ARHGAP22: variants seen among roughly 807,000 people sequenced by gnomAD.
ARHGAP22 encodes the protein rho GTPase-activating protein 22.
In ARHGAP22, 48 loss-of-function variants were observed where a neutral mutation model predicts 59.1. The observed-to-expected ratio is 0.81, with a 90% CI of 0.64 to 1.03. The LOEUF (loss-of-function observed/expected upper bound fraction) is 1.03, where lower values mean the gene tolerates loss of function less well. Among genes scored for constraint, ARHGAP22 ranks in the 50% least tolerant of loss-of-function variants. The pLI, the probability that ARHGAP22 is intolerant of heterozygous loss-of-function variation, is 0.00. For synonymous variants in ARHGAP22, 445 were observed against 416.4 expected, an observed-to-expected ratio of 1.07 and a Z score of -0.84; for missense variants, 1,015 against 958.7, an observed-to-expected ratio of 1.06 and a Z score of -0.78.
At chr10:48,527,219 G>C (rs1257368414) in intron 3 of ARHGAP22, among the ~76,000 whole-genome samples, 7 of 152,096 alleles carry the variant, frequency 4.6e-5, no homozygotes, top group African/African-American at 1.2e-4. Flanking sequence ...ATGGGCAGAT[G>C]GATGGGTAAA....
chr10:48,580,933 T>TAA (rs3076348), intron 2 of ARHGAP22, among the ~76,000 whole-genome samples: 50,229 of 147,378 alleles, frequency 0.34, 9,360 homozygotes, highest in East Asian at 0.72. Flanking sequence ...CAATCTAAAG[T>TAA]AAAAAAAAAA....
At chr10:48,521,198 G>A (rs748327893) in intron 3 of ARHGAP22, among the ~76,000 whole-genome samples, 1 of 152,140 alleles carries the variant, frequency 6.6e-6, no homozygotes, top group African/African-American at 2.4e-5. Flanking sequence ...AACCTGTCTT[G>A]CATATGATAT....
chr10:48,437,445 A>T, the ARHGAP22 span: 1 of 152,108 alleles, frequency 6.6e-6, no homozygotes, highest in Non-Finnish European at 1.5e-5. Flanking sequence ...TGATTTTTCA[A>T]TTTTATATAC....
intron 3 of ARHGAP22, among the ~76,000 whole-genome samples, chr10:48,496,889 G>A (rs527726519): frequency 1.3e-5 from 2 of 152,252 alleles, no homozygotes; most frequent in South Asian, 4.1e-4. Flanking sequence ...TGCCCTAACT[G>A]CCACTGGGCC....
intron 5 of ARHGAP22, among the ~76,000 whole-genome samples, chr10:48,456,275 G>A (rs2046495631): frequency 6.6e-6 from 1 of 152,184 alleles, no homozygotes; most frequent in Non-Finnish European, 1.5e-5. Context: ...GGCTCACTGA[G>A]ATAAATACCT....
chr10:48,630,375 C>T (rs1277151895), intron 1 of ARHGAP22, among the ~76,000 whole-genome samples: 1 of 152,200 alleles, frequency 6.6e-6, no homozygotes, highest in Admixed American at 6.5e-5. Flanking sequence ...CAGGAATGAG[C>T]CACCACGCCC....
intron 3 of ARHGAP22, among the ~76,000 whole-genome samples, chr10:48,548,346 C>T (rs551317595): frequency 2.3e-4 from 35 of 152,174 alleles, no homozygotes; most frequent in Non-Finnish European, 2.8e-4. Flanking sequence ...TCCACTCCCC[C>T]GGCCCCACCC....
chr10:48,644,478 T>C (rs1440409739), intron 1 of ARHGAP22, among the ~76,000 whole-genome samples: 1 of 152,204 alleles, frequency 6.6e-6, no homozygotes, highest in Non-Finnish European at 1.5e-5. Flanking sequence ...CTGCAGAATA[T>C]ACATTATTTT....
In ARHGAP22 at chr10:48,446,383, C is replaced by T; in HGVS notation, c.*8G>A. ...GACGTGGTACAGAAGTGAGCTCTGC[C>T]ATTCCTTTTACTTTGGGGCCCTGGC... On this transcript the variant is annotated 3_prime_UTR_variant, in exon 10 of 10. Transcript: ENST00000249601. 6.2e-7 allele frequency: 1 copy of T among 1,613,968 alleles called. No homozygotes were observed. Among genetic ancestry groups the T allele is most frequent in the Non-Finnish European group, 8.5e-7 (1 of 1,179,892 alleles).
intron 1 of ARHGAP22, among the ~76,000 whole-genome samples, chr10:48,610,110 C>T (rs536994587): frequency 2.0e-5 from 3 of 152,308 alleles, no homozygotes; most frequent in East Asian, 1.9e-4. Context: ...AGTCTGTCTC[C>T]GCCCTTTGGC....
At chr10:48,591,878 A>G (rs2135755155) in intron 1 of ARHGAP22, among the ~76,000 whole-genome samples, 1 of 152,220 alleles carries the variant, frequency 6.6e-6, no homozygotes, top group South Asian at 2.1e-4. Flanking sequence ...TGTCTAAAAA[A>G]AACCCCAAAA....
Position 48,563,480 on chromosome 10 carries a change from G to A in ARHGAP22, c.235-7930C>T, listed in dbSNP as rs184592250. On this transcript the variant is annotated intron_variant, in intron 2 of 9. Transcript: ENST00000249601. ...GCTGGGATTACAGGCGTGAGCCACC[G>A]CACCTGGCCAATCCAGCATAATTTC... 9.7e-4 allele frequency among the ~76,000 whole-genome samples: 148 copies of A among 152,258 alleles called. 1 individual carries two copies. The highest frequency in any genetic ancestry group is 3.1e-3 in the African/African-American group (129 of 41,558).
chr10:48,648,325 C>T (rs893087075), intron 1 of ARHGAP22, among the ~76,000 whole-genome samples: 1 of 152,108 alleles, frequency 6.6e-6, no homozygotes, highest in African/African-American at 2.4e-5. Flanking sequence ...TCTCCAGGCC[C>T]CCAGGATGTG....
At chr10:48,584,596 TG>T (rs1459836029) in intron 1 of ARHGAP22, among the ~76,000 whole-genome samples, 16 of 152,290 alleles carry the variant, frequency 1.1e-4, no homozygotes, top group African/African-American at 3.6e-4. Context: ...CTCGTTACTG[TG>T]GGGGGCAAGG....
chr10:48,556,372 C>A (rs1965170), intron 2 of ARHGAP22, among the ~76,000 whole-genome samples: 23,243 of 152,132 alleles, frequency 0.15, 1,874 homozygotes, highest in Admixed American at 0.23. Flanking sequence ...TGTGATTGAC[C>A]CTTCCCCAAC....
In ARHGAP22 at chr10:48,580,248, T is replaced by C. The variant is rs117582136; in HGVS notation, c.234+2705A>G. ...GTGACTGTGGATGTCCATGCCTCCA[T>C]TTTATTAGTTGCTTCCACCAGAGGA... is the stretch of plus-strand genomic sequence containing the variant. On this transcript the variant is annotated intron_variant, in intron 2 of 9. Coordinates refer to ENST00000249601, the MANE Select transcript of ARHGAP22 (RefSeq NM_021226.4). Among the ~76,000 whole-genome samples the C allele has an allele frequency of 6.9e-3, 1,045 of 152,286 alleles. 4 individuals carry two copies. Among genetic ancestry groups the C allele is most frequent in the Middle Eastern group, 0.017 (5 of 294 alleles).
chr10:48,627,282 A>T (rs769164125), intron 1 of ARHGAP22, among the ~76,000 whole-genome samples: 4 of 152,212 alleles, frequency 2.6e-5, no homozygotes, highest in African/African-American at 9.6e-5. Context: ...GGAATCTATT[A>T]ATGCATAGCC....
intron 1 of ARHGAP22, among the ~76,000 whole-genome samples, chr10:48,610,574 A>G (rs887349645): frequency 6.6e-6 from 1 of 152,210 alleles, no homozygotes; most frequent in African/African-American, 2.4e-5. Flanking sequence ...GTGTGGGCTG[A>G]ATAGATGAAT....
chr10:48,515,644 T>C (rs937208255), intron 3 of ARHGAP22, among the ~76,000 whole-genome samples: 1 of 152,212 alleles, frequency 6.6e-6, no homozygotes, highest in Non-Finnish European at 1.5e-5. Flanking sequence ...ACACAGAACA[T>C]ATTTGAGGAT....
Sources: allele counts gnomAD v4.1 joint callset (sites outside exome capture counted in the v4.1 genomes callset), GRCh38; gene constraint gnomAD v4.1.1; transcripts MANE v1.5; gene names NCBI Gene and HGNC (gene_info 2026-07-23, HGNC 2026-07-21).